LMNTD1: variants seen among roughly 807,000 people sequenced by gnomAD.
LMNTD1 encodes lamin tail domain containing 1.
Under a neutral mutation model 50.9 loss-of-function variants are expected in LMNTD1, and 35 were observed. The ratio of observed to expected loss-of-function variants is 0.69; its 90% CI spans 0.53 to 0.91. The LOEUF (loss-of-function observed/expected upper bound fraction) is 0.91. Ranked by LOEUF, LMNTD1 falls within the 40% of genes least tolerant of loss-of-function variation. The probability of loss-of-function intolerance (pLI) is 0.00; values close to 1 mark genes in which losing one functional copy is unlikely to be tolerated. For synonymous variants in LMNTD1, 153 were observed against 161.9 expected, an observed-to-expected ratio of 0.94 and a Z score of 0.42; for missense variants, 470 against 475.5, an observed-to-expected ratio of 0.99 and a Z score of 0.11.
At chr12:25,608,428 C>T (rs180791542) in intron 1 of LMNTD1, among the ~76,000 whole-genome samples, 406 of 152,126 alleles carry the variant, frequency 2.7e-3, no homozygotes, top group Non-Finnish European at 4.8e-3. Flanking sequence ...TTCCTAGCAT[C>T]GATGGTCTTT....
chr12:25,603,014 T>C (rs1946013062), intron 1 of LMNTD1, among the ~76,000 whole-genome samples: 2 of 152,162 alleles, frequency 1.3e-5, no homozygotes, highest in South Asian at 4.1e-4. Flanking sequence ...TGTAAGACTA[T>C]AAAGTTCAGG....
intron 2 of LMNTD1, among the ~76,000 whole-genome samples, chr12:25,550,378 C>T (rs868315050): frequency 2.6e-5 from 4 of 152,096 alleles, no homozygotes; most frequent in Non-Finnish European, 5.9e-5. Flanking sequence ...TTCCCAGTGA[C>T]GTCAAAGCAA....
At chr12:25,647,652 A>G (rs1384212387) in intron 1 of LMNTD1, among the ~76,000 whole-genome samples, 1 of 152,244 alleles carries the variant, frequency 6.6e-6, no homozygotes, top group Non-Finnish European at 1.5e-5. Context: ...CATGGTTTCT[A>G]ACATTTACCA....
At chr12:25,631,280 G>A (rs1946713872) in intron 1 of LMNTD1, among the ~76,000 whole-genome samples, 1 of 151,904 alleles carries the variant, frequency 6.6e-6, no homozygotes, top group Non-Finnish European at 1.5e-5. Context: ...TGGTTCTTCT[G>A]CACGCTACCA....
intron 4 of LMNTD1, among the ~76,000 whole-genome samples, chr12:25,535,378 G>C (rs1942510938): frequency 6.6e-6 from 1 of 151,536 alleles, no homozygotes; most frequent in South Asian, 2.1e-4. Flanking sequence ...AAGGAGAGAG[G>C]AAGCAGGGAC....
At chr12:25,560,119 T>C (rs1944237807) in intron 1 of LMNTD1, among the ~76,000 whole-genome samples, 1 of 152,260 alleles carries the variant, frequency 6.6e-6, no homozygotes, top group African/African-American at 2.4e-5. Context: ...TCCTTGCCGA[T>C]GCCTATGTCC....
intron 8 of LMNTD1, among the ~76,000 whole-genome samples, chr12:25,504,134 A>G (rs1280044548): frequency 6.6e-6 from 1 of 152,242 alleles, no homozygotes; most frequent in Non-Finnish European, 1.5e-5. Context: ...TCTGGAAGAT[A>G]TATTTTTTAA....
At chr12:25,573,567 A>C (rs954986445) in intron 1 of LMNTD1, among the ~76,000 whole-genome samples, 1 of 152,174 alleles carries the variant, frequency 6.6e-6, no homozygotes, top group African/African-American at 2.4e-5. Flanking sequence ...AAAAACTGCA[A>C]AATCATGCCC....
intron 1 of LMNTD1, among the ~76,000 whole-genome samples, chr12:25,638,239 C>A (rs776930755): frequency 6.6e-6 from 1 of 152,064 alleles, no homozygotes; most frequent in South Asian, 2.1e-4. Flanking sequence ...ACATACTTAA[C>A]GGTGAAAGAC....
chr12:25,591,811 CAGAGAGAGAGAGAG>C (rs58392351), intron 1 of LMNTD1, among the ~76,000 whole-genome samples: 48 of 90,090 alleles, frequency 5.3e-4, no homozygotes, highest in Admixed American at 1.6e-3. Flanking sequence ...TAGCTCAGAA[CAGAGAGAGAGAGAG>C]AGAGAGAGAG....
chr12:25,622,472 C>A (rs7488326), intron 1 of LMNTD1, among the ~76,000 whole-genome samples: 2 of 137,850 alleles, frequency 1.5e-5, no homozygotes, highest in Non-Finnish European at 3.2e-5. Flanking sequence ...AGCCCGCCCC[C>A]CCCCGCAAAA....
chr12:25,545,652 C>A (rs1943385840), intron 4 of LMNTD1, among the ~76,000 whole-genome samples: 1 of 151,598 alleles, frequency 6.6e-6, no homozygotes, highest in Non-Finnish European at 1.5e-5. Context: ...AATGAAGGAT[C>A]TGATGAGGTG....
At chr12:25,542,810 T>G (rs1471569939) in intron 4 of LMNTD1, among the ~76,000 whole-genome samples, 1 of 145,046 alleles carries the variant, frequency 6.9e-6, no homozygotes, top group Non-Finnish European at 1.5e-5. Flanking sequence ...GAAAATCAAT[T>G]AAATAAAAAA....
chr12:25,503,793 C>T lies in LMNTD1; in HGVS notation c.1197G>A (p.Lys399=). 1.3e-6 allele frequency: 2 copies of T among 1,567,788 alleles called. No individual in the cohort carries two copies. Among genetic ancestry groups the T allele is most frequent in the Non-Finnish European group, 1.7e-6 (2 of 1,150,850 alleles). Residue 399 remains lysine, a synonymous_variant, in exon 9 of 10, where the codon AAG becomes AAA. Transcript: ENST00000458174. ...STRPNRASGS[K]KKKTSESQKQ ...TTTGTGACTCAGATGTCTTCTTTTT[C>T]TTAGACCCTGAAAATTAAAAAAAAT... is the stretch of plus-strand genomic sequence containing the variant.
At chr12:25,503,696 A>G in intron 9 of LMNTD1, 42 bp downstream of exon 9, 5 of 1,028,884 alleles carry the variant, frequency 4.9e-6, no homozygotes, top group Non-Finnish European at 7.6e-6. Context: ...TAGTCATATT[A>G]TTTTTCTGTG....
At chr12:25,583,950 A>G (rs1353878556) in intron 1 of LMNTD1, among the ~76,000 whole-genome samples, 2 of 152,196 alleles carry the variant, frequency 1.3e-5, no homozygotes, top group Admixed American at 6.5e-5. Flanking sequence ...AATTAAGAGA[A>G]TAAGAAGCAG....
At chr12:25,577,938 T>C (rs1945104455) in intron 1 of LMNTD1, among the ~76,000 whole-genome samples, 1 of 152,106 alleles carries the variant, frequency 6.6e-6, no homozygotes. Flanking sequence ...TAGCAGGTGG[T>C]GAGATTGGGT....
intron 1 of LMNTD1, among the ~76,000 whole-genome samples, chr12:25,561,238 G>T (rs979498938): frequency 5.9e-5 from 9 of 152,134 alleles, no homozygotes; most frequent in Non-Finnish European, 2.9e-5. Flanking sequence ...TGATGTTAGG[G>T]TGTCAATTTT....
chr12:25,574,459 T>C (rs1460099035), intron 1 of LMNTD1, among the ~76,000 whole-genome samples: 1 of 152,150 alleles, frequency 6.6e-6, no homozygotes, highest in Admixed American at 6.5e-5. Flanking sequence ...AGTTTTCTAA[T>C]CTGTAAAATG....
Sources: allele counts gnomAD v4.1 joint callset (sites outside exome capture counted in the v4.1 genomes callset), GRCh38; gene constraint gnomAD v4.1.1; transcripts MANE v1.5; gene names NCBI Gene and HGNC (gene_info 2026-07-23, HGNC 2026-07-21).